Variants in CFAP20DC observed in about 807,000 individuals in gnomAD.
CFAP20DC encodes the protein protein CFAP20DC.
In CFAP20DC, 84 loss-of-function variants were observed where a neutral mutation model predicts 101.7. That is an observed-to-expected ratio of 0.83 (90% CI 0.69 to 0.99). The LOEUF is 0.99. CFAP20DC is among the 50% of genes least tolerant of loss of function. The pLI, the probability that CFAP20DC is intolerant of heterozygous loss-of-function variation, is 0.00. For synonymous variants in CFAP20DC, 359 were observed against 351.2 expected (o/e 1.02, Z -0.25); for missense variants, 1,007 against 970.3 (o/e 1.04, Z -0.50).
rs1049530446 is a variant in CFAP20DC, at chr3:58,729,655, A to G, written c.198-12027T>C. ...TATTTTTAATTCTGGCTTTATTTGT[A>G]TTTATTTGTATAAGCTTTTTAGTTG... On this transcript the variant is annotated intron_variant, in intron 3 of 3. Coordinates refer to the CFAP20DC transcript ENST00000486145. The surrounding 1 kb of genome is among the most constrained non-coding windows in gnomAD (Gnocchi z 4.4). Among the ~76,000 whole-genome samples, 5 of 152,140 alleles carry G rather than the reference A, an allele frequency of 3.3e-5. No homozygotes were observed. The highest frequency in any genetic ancestry group is 9.6e-5 in the African/African-American group (4 of 41,520).
At position 58,892,003 on chromosome 3, in the gene CFAP20DC, T is replaced by A. The variant is rs1199906980; in HGVS notation, c.551-7294A>T. On this transcript the variant is annotated intron_variant, in intron 6 of 16. Transcript: ENST00000482387. The surrounding 1 kb of genome is among the most constrained non-coding windows in gnomAD (Gnocchi z 4.0). ...AGTCTTTAATCCATCTTGAGTTGATTTTTGTATATGGTGTAAGAAAGGGGT... is the reference window on the plus strand; with the variant it reads ...AGTCTTTAATCCATCTTGAGTTGATATTTGTATATGGTGTAAGAAAGGGGT... Among the ~76,000 whole-genome samples, 1 of 152,198 alleles carries A rather than the reference T, an allele frequency of 6.6e-6. No homozygotes were observed. Among genetic ancestry groups the A allele is most frequent in the Non-Finnish European group, 1.5e-5 (1 of 68,026 alleles).
chr3:58,861,434 A>C lies in CFAP20DC; in HGVS notation c.1593+2124T>G. On this transcript the variant is annotated intron_variant, in intron 12 of 16. Transcript: ENST00000482387. The surrounding 1 kb of genome is among the most constrained non-coding windows in gnomAD (Gnocchi z 4.0). ...CTAAACTGATTTTTCTTCAAAGACT[A>C]TATGTAAATAAACATTGTAAATATG... The C allele has an allele frequency of 1.2e-6, 1 of 861,740 alleles. No individual in the cohort carries two copies. Among genetic ancestry groups the C allele is most frequent in the Non-Finnish European group, 1.4e-6 (1 of 717,372 alleles). The allele number at this position is 861,740 out of a possible 1,614,324, so 53.4% of individuals were successfully genotyped here.
intron 5 of CFAP20DC, among the ~76,000 whole-genome samples, chr3:58,935,211 T>TA (rs1207865481): frequency 6.6e-6 from 1 of 152,034 alleles, no homozygotes; most frequent in Non-Finnish European, 1.5e-5. Context: ...GAATCCAACT[T>TA]ACAAGGGATG....
intron 13 of CFAP20DC, among the ~76,000 whole-genome samples, chr3:58,848,284 CAATT>C (rs1415285758): frequency 1.3e-5 from 2 of 152,022 alleles, no homozygotes; most frequent in Non-Finnish European, 2.9e-5. Context: ...CACCAGGTAA[CAATT>C]AATCCACTCT....
chr3:58,986,281 G>A (rs2092748213), intron 4 of CFAP20DC, among the ~76,000 whole-genome samples: 1 of 152,176 alleles, frequency 6.6e-6, no homozygotes, highest in South Asian at 2.1e-4. Flanking sequence ...ATTGGGGGAT[G>A]AGCTATCTAG....
chr3:58,848,017 T>A (rs2077850397), intron 13 of CFAP20DC, among the ~76,000 whole-genome samples: 1 of 107,252 alleles, frequency 9.3e-6, no homozygotes, highest in Non-Finnish European at 1.9e-5. Flanking sequence ...GGGACTGTTG[T>A]GGGGTGGGGG....
At chr3:58,999,679 G>C (rs1428652429) in intron 4 of CFAP20DC, among the ~76,000 whole-genome samples, 1 of 152,200 alleles carries the variant, frequency 6.6e-6, no homozygotes, top group East Asian at 1.9e-4. Flanking sequence ...TTCAGGGATT[G>C]TACCTGGTGG....
rs542577681 is a variant in CFAP20DC, at chr3:58,807,949, G to C, written c.2176-1493C>G. On this transcript the variant is annotated intron_variant, in intron 14 of 16. Coordinates refer to ENST00000482387, the MANE Select transcript of CFAP20DC (RefSeq NM_001394063.1). ...CCTCAGGAGCCCATGTGATCAACTG[G>C]AAGAAAGGGTATCAGTGATGGAAGA... Among the ~76,000 whole-genome samples the C allele has an allele frequency of 2.6e-5, 4 of 152,016 alleles. No homozygotes were observed. The East Asian group carries it at 7.7e-4, about 29-fold the overall frequency.
intron 3 of CFAP20DC, among the ~76,000 whole-genome samples, chr3:58,731,700 C>A (rs1237330487): frequency 1.3e-5 from 2 of 152,148 alleles, no homozygotes; most frequent in African/African-American, 4.8e-5. Flanking sequence ...TTCTCAAGGG[C>A]TTTTAAAAAA....
chr3:58,896,862 T>C (rs1423402816), intron 6 of CFAP20DC, among the ~76,000 whole-genome samples: 1 of 152,216 alleles, frequency 6.6e-6, no homozygotes, highest in East Asian at 1.9e-4. Flanking sequence ...TATACTCTGT[T>C]GTTTCTGGGT....
intron 4 of CFAP20DC, among the ~76,000 whole-genome samples, chr3:58,989,402 T>C: frequency 6.6e-6 from 1 of 152,152 alleles, no homozygotes; most frequent in South Asian, 2.1e-4. Context: ...AAATTCTTCC[T>C]AGAGTTTCAC....
intron 14 of CFAP20DC, among the ~76,000 whole-genome samples, chr3:58,830,494 G>T (rs535149143): frequency 6.6e-6 from 1 of 152,116 alleles, no homozygotes; most frequent in East Asian, 1.9e-4. Context: ...GGCATTAGGT[G>T]CCAGGGCCTC....
In CFAP20DC at chr3:58,862,990, T is replaced by G. The variant is rs2079378970; in HGVS notation, c.1593+568A>C. ...TGCTAATTTATAGGATATATCCATATTCTAAATAATTGCAAACAGAAAATC... is the reference window on the plus strand; with the variant it reads ...TGCTAATTTATAGGATATATCCATAGTCTAAATAATTGCAAACAGAAAATC... On this transcript the variant is annotated intron_variant, in intron 12 of 16. Coordinates refer to ENST00000482387, the MANE Select transcript of CFAP20DC (RefSeq NM_001394063.1). 4 of 976,770 alleles carry G rather than the reference T, an allele frequency of 4.1e-6. No individual in the cohort carries two copies. In the African/African-American group the frequency reaches 7.0e-5, roughly 17 times the overall value. The allele number at this position is 976,770 out of a possible 1,614,324, so 60.5% of individuals were successfully genotyped here.
rs1441203191 is a variant in CFAP20DC at position 58,799,497 on chromosome 3, T to C, written c.2237+6898A>G. 6.6e-6 allele frequency among the ~76,000 whole-genome samples: 1 copy of C among 152,166 alleles called. No individual in the cohort carries two copies. The highest frequency in any genetic ancestry group is 2.4e-5 in the African/African-American group (1 of 41,434). ...CCAGCTAGTGGAATACACAGTGACGTAGCTAGTGTAGAGAGATGAGGGAAG... is the reference window on the plus strand; with the variant it reads ...CCAGCTAGTGGAATACACAGTGACGCAGCTAGTGTAGAGAGATGAGGGAAG... On this transcript the variant is annotated intron_variant, in intron 15 of 16. Coordinates refer to ENST00000482387, the MANE Select transcript of CFAP20DC (RefSeq NM_001394063.1). The surrounding 1 kb of genome is among the most constrained non-coding windows in gnomAD (Gnocchi z 4.9).
intron 14 of CFAP20DC, among the ~76,000 whole-genome samples, chr3:58,827,433 G>T (rs1575790394): frequency 1.1e-5 from 1 of 89,874 alleles, no homozygotes; most frequent in Non-Finnish European, 2.0e-5. Context: ...GTGGGGGGTG[G>T]GTAGCGAGAC....
intron 4 of CFAP20DC, among the ~76,000 whole-genome samples, chr3:58,966,374 A>G (rs1248775474): frequency 1.3e-5 from 2 of 152,152 alleles, no homozygotes; most frequent in Non-Finnish European, 2.9e-5. Context: ...CTTGGCCTGA[A>G]GTAAATACTA....
At chr3:58,784,099 C>T (rs895283564) in intron 15 of CFAP20DC, among the ~76,000 whole-genome samples, 68 of 151,780 alleles carry the variant, frequency 4.5e-4, no homozygotes, top group African/African-American at 1.5e-3. Flanking sequence ...TGAAGTGCGG[C>T]AGCAGTGTGA....
chr3:58,817,441 T>C (rs1159251755), intron 14 of CFAP20DC, among the ~76,000 whole-genome samples: 1 of 147,940 alleles, frequency 6.8e-6, no homozygotes, highest in African/African-American at 2.5e-5. Flanking sequence ...AGAGAAGTGC[T>C]TAAAGGAGCT....
chr3:58,985,564 C>T (rs899099861), intron 4 of CFAP20DC, among the ~76,000 whole-genome samples: 4 of 152,132 alleles, frequency 2.6e-5, no homozygotes, highest in Admixed American at 6.5e-5. Context: ...CTTCTCCACT[C>T]ACTCCTTATT....
Sources: gnomAD v4.1 joint callset for allele counts (sites outside exome capture counted in the v4.1 genomes callset) on GRCh38, gnomAD v4.1.1 for gene constraint, Gnocchi (gnomAD v3.1) non-coding constraint, MANE v1.5 for transcripts, NCBI Gene and HGNC (gene_info 2026-07-23, HGNC 2026-07-21) for gene names.